MYH4: variants seen among roughly 807,000 people sequenced by gnomAD.
The protein encoded by MYH4 is myosin heavy chain 4.
In MYH4, 200 loss-of-function variants were observed where a neutral mutation model predicts 229.9. The ratio of observed to expected loss-of-function variants is 0.87; its 90% CI spans 0.78 to 0.98. The LOEUF (loss-of-function observed/expected upper bound fraction) is 0.98. Ranked by LOEUF, MYH4 falls within the 50% of genes least tolerant of loss-of-function variation. MYH4 has a pLI of 0.00. For missense variants in MYH4, 2,148 were observed against 2,332.6 expected (o/e 0.92, Z 1.63); for synonymous variants, 761 against 834.6 (o/e 0.91, Z 1.52).
rs754849730 is a variant in MYH4 at position 10,443,374 on chromosome 17, A to G, written c.*1T>C. 2 of 1,613,614 alleles carry G rather than the reference A, an allele frequency of 1.2e-6. No individual in the cohort carries two copies. Among genetic ancestry groups the G allele is most frequent in the Non-Finnish European group, 1.7e-6 (2 of 1,179,892 alleles). ...GTCACATTTTCTTTCATTAGAATGA[A>G]TTACTCTTCACTTATGACTTTTGTG... On this transcript the variant is annotated 3_prime_UTR_variant, in exon 40 of 40. Coordinates refer to ENST00000255381, the MANE Select transcript of MYH4 (RefSeq NM_017533.2). This position sits in a 1 kb window ranked among gnomAD's most constrained non-coding sequence, Gnocchi z 4.6.
intron 22 of MYH4, 102 bp from the exon 23 acceptor site, chr17:10,453,987 A>G (rs1411074597): frequency 1.0e-5 from 15 of 1,464,890 alleles, no homozygotes; most frequent in Admixed American, 3.9e-5. Context: ...TGTTTGGTCA[A>G]CATGTATACC....
chr17:10,445,089 G>T lies in MYH4; in HGVS notation c.5353C>A (p.Arg1785=). 6.2e-7 allele frequency: 1 copy of T among 1,614,088 alleles called. No homozygotes were observed. The highest frequency in any genetic ancestry group is 8.5e-7 in the Non-Finnish European group (1 of 1,180,020). Residue 1785 remains arginine, a synonymous_variant, in exon 37 of 40, where the codon CGG becomes AGG. Coordinates refer to ENST00000255381, the MANE Select transcript of MYH4 (RefSeq NM_017533.2). ...GTCTGCTCCATGTTCTTCTTCATCCGCTCCAGGTGGGCGCTGGTGTCCTGT... is the reference window on the plus strand; with the variant it reads ...GTCTGCTCCATGTTCTTCTTCATCCTCTCCAGGTGGGCGCTGGTGTCCTGT... ...KEQDTSAHLE[R]MKKNMEQTVK... is the part of the protein sequence containing the mutation.
Position 10,452,115 on chromosome 17 carries a change from C to T in MYH4, c.3564G>A (p.Gln1188=). 3.1e-6 allele frequency: 5 copies of T among 1,614,086 alleles called. No individual in the cohort carries two copies. The highest frequency in any genetic ancestry group is 4.2e-6 in the Non-Finnish European group (5 of 1,179,996). ...GAAGAGCAGCTGCCGTGGCTTCGTG[C>T]TGCAGGGTGGACTCTTCCAGGTCCC... is the stretch of plus-strand genomic sequence containing the variant. The part of the protein sequence containing the change: ...MRRDLEESTL[Q]HEATAAALRK... Residue 1188 remains glutamine, a synonymous_variant, in exon 27 of 40, where the codon CAG becomes CAA. Transcript: ENST00000255381.
rs377344439 is a variant in MYH4, at chr17:10,453,596, A to G, written c.2934+47T>C. On this transcript the variant is annotated intron_variant, in intron 23 of 39. Coordinates refer to ENST00000255381, the MANE Select transcript of MYH4 (RefSeq NM_017533.2). ...ATTAAATTTTTAATTAAAATACTTC[A>G]GTATCAAGGTGCTTATAAATATTCT... is the stretch of plus-strand genomic sequence containing the variant. 383 of 1,612,554 alleles carry G rather than the reference A, an allele frequency of 2.4e-4. 1 individual carries two copies. Among genetic ancestry groups the G allele is most frequent in the Non-Finnish European group, 3.1e-4 (366 of 1,179,102 alleles).
chr17:10,463,466 A>G, intron 8 of MYH4, 65 bp from the exon 9 acceptor site: 1 of 1,583,218 alleles, frequency 6.3e-7, no homozygotes, highest in Non-Finnish European at 8.7e-7. Context: ...TTAGCTGTGG[A>G]CCAAACAGGT....
At chr17:10,460,391 CAAA>C in intron 12 of MYH4, 70 bp from the exon 13 acceptor site, 1 of 1,243,382 alleles carries the variant, frequency 8.0e-7, no homozygotes, top group East Asian at 2.4e-5. Context: ...ATGATGATGA[CAAA>C]GAAAAAAGGT....
At chr17:10,463,712 C>T in intron 7 of MYH4, 69 bp from the exon 8 acceptor site, 1 of 1,228,384 alleles carries the variant, frequency 8.1e-7, no homozygotes, top group Non-Finnish European at 1.2e-6. Context: ...GACCTCTTTC[C>T]CTTCCCCATT....
rs1567704392 is a variant in MYH4 at position 10,459,283 on chromosome 17, C to G, written c.1555G>C (p.Asp519His). 1.9e-6 allele frequency: 3 copies of G among 1,614,032 alleles called. No homozygotes were observed. The highest frequency in any genetic ancestry group is 2.5e-6 in the Non-Finnish European group (3 of 1,180,000). ...IEWEFIDFGMDLAACIELIEK... is the reference protein window; with the variant it reads ...IEWEFIDFGMHLAACIELIEK... ...ATGAGCTCGATGCAGGCAGCCAGGT[C>G]CATCCCGAAGTCAATGAACTCCCAC... Residue 519 changes from aspartate to histidine, a missense_variant, in exon 15 of 40, where the codon GAC becomes CAC. Transcript: ENST00000255381.
At chr17:10,453,123 A>C in intron 24 of MYH4, 29 bp downstream of exon 24, 1 of 1,613,574 alleles carries the variant, frequency 6.2e-7, no homozygotes, top group Non-Finnish European at 8.5e-7. Flanking sequence ...TTTCATTGCA[A>C]GGGGAAACAT....
At chr17:10,453,110 T>C (rs371970827) in intron 24 of MYH4, 42 bp downstream of exon 24, 1 of 1,612,140 alleles carries the variant, frequency 6.2e-7, no homozygotes, top group Non-Finnish European at 8.5e-7. Flanking sequence ...TCACAATTGT[T>C]TATTTCATTG....
At chr17:10,447,676 G>T in intron 34 of MYH4, 142 bp downstream of exon 34, 1 of 818,170 alleles carries the variant, frequency 1.2e-6, no homozygotes, top group South Asian at 2.0e-5. Flanking sequence ...TTTTTCAGTT[G>T]TGTGTGTATA....
At position 10,444,873 on chromosome 17, in the gene MYH4, T is replaced by C. The variant is rs765129427; in HGVS notation, c.5493A>G (p.Glu1831=). The part of the protein sequence containing the change: ...ARVRELESEV[E]SEQKHNVEAV... ...CCTCAACATTGTGCTTCTGTTCACT[T>C]TCCACCTCACTTTCAAGCTCTCTCA... is the stretch of plus-strand genomic sequence containing the variant. The change falls in exon 38 of 40, where the codon GAA becomes GAG. Residue 1831 remains glutamate, a synonymous_variant. Transcript: ENST00000255381. 4 of 1,614,120 alleles carry C rather than the reference T, an allele frequency of 2.5e-6. No individual in the cohort carries two copies. In the South Asian group the frequency reaches 3.3e-5, roughly 13 times the overall value.
rs766388862 is a variant in MYH4 at position 10,466,679 on chromosome 17, C to T, written c.67G>A (p.Glu23Lys). Residue 23 changes from glutamate to lysine, a missense_variant, in exon 3 of 40, where the codon GAG becomes AAG. Transcript: ENST00000255381. ...AAPFLRKSEK[E>K]RIEAQNKPFD... ...GGCTTGTTCTGAGCTTCAATTCGCT[C>T]CTTTTCAGACTTTCGGAGGAAAGGA... 6.2e-7 allele frequency: 1 copy of T among 1,614,178 alleles called. No individual in the cohort carries two copies. The highest frequency in any genetic ancestry group is 8.5e-7 in the Non-Finnish European group (1 of 1,180,040).
chr17:10,455,819 G>A lies in MYH4; in HGVS notation c.2051C>T (p.Thr684Ile), dbSNP rs773671830. The A allele has an allele frequency of 1.9e-5, 30 of 1,614,074 alleles. No individual in the cohort carries two copies. Among genetic ancestry groups the A allele is most frequent in the East Asian group, 2.2e-5 (1 of 44,892 alleles). The change falls in exon 18 of 40, where the codon ACT (threonine) becomes ATT (isoleucine). Residue 684 changes from threonine to isoleucine, a missense_variant. By Grantham distance (89) the Thr-to-Ile change is moderately conservative. Coordinates refer to ENST00000255381, the MANE Select transcript of MYH4 (RefSeq NM_017533.2). ...GGATATCAGAAATGTCTTACCAGGA[G>A]TTTTAGTTTCATTGGGGATGATGCA... ...VRCIIPNETK[T>I]PGAMEHELVL...
At position 10,448,675 on chromosome 17, in the gene MYH4, A is replaced by G; in HGVS notation, c.4474T>C (p.Tyr1492His). Residue 1492 changes from tyrosine (Y) to histidine (H), a missense_variant, in exon 32 of 40, where the codon TAC becomes CAC. Transcript: ENST00000255381. ...TCAAGATGATCCAGGGATTCCTCGT[A>G]GGCATTCTTCACCTTGAACAGCTCA... The part of the protein sequence containing the change: ...STELFKVKNA[Y>H]EESLDHLETL... 1 of 1,614,156 alleles carries G rather than the reference A, an allele frequency of 6.2e-7. No individual in the cohort carries two copies. Among genetic ancestry groups the G allele is most frequent in the South Asian group, 1.1e-5 (1 of 91,084 alleles).
chr17:10,455,197 G>C lies in MYH4; in HGVS notation c.2273C>G (p.Thr758Ser). The C allele has an allele frequency of 6.2e-7, 1 of 1,614,122 alleles. No individual in the cohort carries two copies. The highest frequency in any genetic ancestry group is 8.5e-7 in the Non-Finnish European group (1 of 1,180,002). The change falls in exon 20 of 40, where the codon ACC (threonine) becomes AGC (serine). Residue 758 changes from threonine (T) to serine (S), a missense_variant. By Grantham distance (58) the Thr-to-Ser change is moderately conservative (BLOSUM62 1). Transcript: ENST00000255381. ...KLLGSIEIDHTQYKFGHTKVF... is the reference protein window; with the variant it reads ...KLLGSIEIDHSQYKFGHTKVF... ...CTTGGTATGACCGAATTTGTACTGG[G>C]TGTGGTCAATTTCAATAGACCCTAG... is the stretch of plus-strand genomic sequence containing the variant.
intron 24 of MYH4, 88 bp downstream of exon 24, chr17:10,453,064 C>T (rs1231008170): frequency 2.0e-5 from 32 of 1,596,630 alleles, no homozygotes; most frequent in African/African-American, 5.4e-5. Flanking sequence ...ACAGACCAAG[C>T]GTTAAAGGCT....
intron 33 of MYH4, 70 bp downstream of exon 33, chr17:10,448,326 G>A (rs547289638): frequency 2.0e-6 from 3 of 1,501,370 alleles, no homozygotes; most frequent in South Asian, 2.6e-5. Context: ...TTTGCAACAT[G>A]ATAGAGATCT....
Position 10,466,291 on chromosome 17 carries a change from G to C in MYH4, c.330C>G (p.Tyr110Ter), listed in dbSNP as rs756653851. 117 of 1,613,948 alleles carry C rather than the reference G, an allele frequency of 7.2e-5. No individual in the cohort carries two copies. The highest frequency in any genetic ancestry group is 9.2e-5 in the Non-Finnish European group (108 of 1,180,000). ...TGCTCACGTAGATCATCCAGGCTGC[G>C]TAACGCTCTTTGAGGTTATACAGCA... Reference protein sequence around the residue: ...PAVLYNLKERYAAWMIYTYSG... With the variant: ...PAVLYNLKER The change falls in exon 4 of 40, where the codon TAC (tyrosine) becomes TAG (stop). Residue 110 changes from tyrosine to a stop codon, truncating the protein, a stop_gained. Transcript: ENST00000255381. LOFTEE classifies it high-confidence loss of function.
Sources: gnomAD v4.1 joint callset for allele counts on GRCh38, gnomAD v4.1.1 for gene constraint, Gnocchi (gnomAD v3.1) non-coding constraint, MANE v1.5 for transcripts, NCBI Gene and HGNC (gene_info 2026-07-23, HGNC 2026-07-21) for gene names.